Variants in FGF14 observed in about 807,000 individuals in gnomAD.
The protein encoded by FGF14 is fibroblast growth factor 14, also known as fibroblast growth factor homologous factor 4.
A neutral mutation model predicts 25.5 loss-of-function variants in FGF14; 5 were observed. The ratio of observed to expected loss-of-function variants is 0.20; its 90% CI spans 0.10 to 0.41. FGF14 has a LOEUF of 0.41. Among genes scored for constraint, FGF14 ranks in the 10% least tolerant of loss-of-function variants. The pLI, the probability that FGF14 is intolerant of heterozygous loss-of-function variation, is 1.00. For missense variants in FGF14, 222 were observed against 320.1 expected, an observed-to-expected ratio of 0.69 and a Z score of 2.34; for synonymous variants, 138 against 118.3, an observed-to-expected ratio of 1.17 and a Z score of -1.08.
At chr13:101,846,041 G>A (rs912181160) in intron 3 of FGF14, among the ~76,000 whole-genome samples, 1 of 151,926 alleles carries the variant, frequency 6.6e-6, no homozygotes, top group Non-Finnish European at 1.5e-5. Flanking sequence ...TAGAAATTGA[G>A]TCTAACGTAT....
intron 3 of FGF14, among the ~76,000 whole-genome samples, chr13:101,796,816 G>A (rs916466592): frequency 5.3e-5 from 8 of 152,090 alleles, no homozygotes; most frequent in Non-Finnish European, 1.2e-4. Flanking sequence ...CCCCCCGGTT[G>A]GTAGTACATT....
At chr13:102,186,623 A>G (rs2048885791) in intron 1 of FGF14, among the ~76,000 whole-genome samples, 1 of 152,142 alleles carries the variant, frequency 6.6e-6, no homozygotes, top group South Asian at 2.1e-4. Context: ...TGACATGTCT[A>G]TACATATAAT....
intron 1 of FGF14, among the ~76,000 whole-genome samples, chr13:102,327,976 C>A (rs1178956368): frequency 2.8e-5 from 4 of 142,278 alleles, no homozygotes; most frequent in Admixed American, 2.8e-4. Flanking sequence ...CTGGAAGGAT[C>A]AAAAAAAAAA....
chr13:102,068,640 T>C (rs1157705083), intron 1 of FGF14, among the ~76,000 whole-genome samples: 2 of 152,212 alleles, frequency 1.3e-5, no homozygotes, highest in Non-Finnish European at 2.9e-5. Flanking sequence ...GAGGGTGTAC[T>C]GGGTCCCCCA....
At chr13:101,805,211 A>G (rs2041128491) in intron 3 of FGF14, among the ~76,000 whole-genome samples, 1 of 152,158 alleles carries the variant, frequency 6.6e-6, no homozygotes, top group Admixed American at 6.6e-5. Flanking sequence ...TACAGTAAGT[A>G]AAAACAGCTC....
intron 1 of FGF14, among the ~76,000 whole-genome samples, chr13:102,043,056 A>C (rs994691204): frequency 2.0e-5 from 3 of 152,260 alleles, no homozygotes; most frequent in Admixed American, 6.5e-5. Context: ...TGACAGGGTC[A>C]GGACCATATT....
chr13:102,036,698 G>T (rs2041493043), intron 1 of FGF14, among the ~76,000 whole-genome samples: 1 of 151,876 alleles, frequency 6.6e-6, no homozygotes, highest in Non-Finnish European at 1.5e-5. Context: ...GGAGGATGAG[G>T]AGGAGGACGA....
chr13:102,049,082 T>C (rs1370747717), intron 1 of FGF14, among the ~76,000 whole-genome samples: 5 of 151,766 alleles, frequency 3.3e-5, no homozygotes, highest in Admixed American at 6.6e-5. Context: ...AAAAAATCAA[T>C]AGTCAAAGAA....
At chr13:102,378,645 A>ATATC (rs2058103042) in intron 1 of FGF14, among the ~76,000 whole-genome samples, 1 of 150,458 alleles carries the variant, frequency 6.6e-6, no homozygotes, top group Middle Eastern at 3.5e-3. Flanking sequence ...ATATATATAT[A>ATATC]TCTTCTCTTT....
intron 1 of FGF14, among the ~76,000 whole-genome samples, chr13:102,191,615 T>C (rs1226946147): frequency 6.6e-6 from 1 of 152,182 alleles, no homozygotes; most frequent in East Asian, 1.9e-4. Flanking sequence ...GGCACACATA[T>C]ATTCAGTTCA....
At position 101,829,901 on chromosome 13, in the gene FGF14, C is replaced by T. The variant is rs185589576; in HGVS notation, c.408+38824G>A. On this transcript the variant is annotated intron_variant, in intron 3 of 4. Coordinates refer to ENST00000376143, the MANE Select transcript of FGF14 (RefSeq NM_004115.4). ...TTTTTCAGGTTCTGAAAATGAGGCT[C>T]ACAATTTTTAAGTGATGTTTCTGGG... 1.0e-3 allele frequency among the ~76,000 whole-genome samples: 156 copies of T among 152,146 alleles called. 1 individual carries two copies. The highest frequency in any genetic ancestry group is 1.9e-3 in the Non-Finnish European group (128 of 67,996).
At chr13:102,369,371 G>A (rs1172693712) in intron 1 of FGF14, among the ~76,000 whole-genome samples, 3 of 152,200 alleles carry the variant, frequency 2.0e-5, no homozygotes, top group Non-Finnish European at 2.9e-5. Flanking sequence ...CTCTGTGGTA[G>A]CCAAAGATAT....
intron 1 of FGF14, among the ~76,000 whole-genome samples, chr13:102,135,081 A>G (rs2046356612): frequency 2.0e-5 from 3 of 151,606 alleles, no homozygotes; most frequent in African/African-American, 7.3e-5. Context: ...GGTGGTGTGC[A>G]CCAATAATAC....
Position 101,718,346 on chromosome 13 carries a change from A to C in FGF14, c.*4485T>G, listed in dbSNP as rs1042452526. On this transcript the variant is annotated 3_prime_UTR_variant, in exon 5 of 5. Transcript: ENST00000376143. Reference sequence around the variant, plus strand: ...TAAAATAGTTACATGTAAAGACATAAACTCTTTCCTTCTTAAATGTGATTT... The same window carrying C: ...TAAAATAGTTACATGTAAAGACATACACTCTTTCCTTCTTAAATGTGATTT... 6.6e-6 allele frequency: 1 copy of C among 152,106 alleles called. No individual in the cohort carries two copies. The highest frequency in any genetic ancestry group is 2.4e-5 in the African/African-American group (1 of 41,426). The allele number at this position is 152,106 out of a possible 1,614,324, so 9.4% of individuals were successfully genotyped here.
intron 1 of FGF14, among the ~76,000 whole-genome samples, chr13:102,275,622 T>C (rs918191448): frequency 2.6e-5 from 4 of 152,174 alleles, no homozygotes; most frequent in South Asian, 2.1e-4. Context: ...ACATTAGATA[T>C]AGAATCGGGA....
At chr13:101,855,241 C>T (rs549796009) in intron 3 of FGF14, among the ~76,000 whole-genome samples, 2 of 152,078 alleles carry the variant, frequency 1.3e-5, no homozygotes, top group East Asian at 3.9e-4. Context: ...CCTACTTTTG[C>T]ACAACCTGGG....
chr13:101,868,699 G>T (rs768508227), intron 3 of FGF14, 26 bp downstream of exon 3: 2 of 1,355,466 alleles, frequency 1.5e-6, no homozygotes, highest in Non-Finnish European at 2.1e-6. Context: ...TGAACGAATG[G>T]CCGAGATCTT....
intron 1 of FGF14, among the ~76,000 whole-genome samples, chr13:101,915,582 G>A (rs984399911): frequency 1.3e-5 from 2 of 151,556 alleles, no homozygotes; most frequent in African/African-American, 2.4e-5. Flanking sequence ...CCTGGCTCCT[G>A]AATAGGATGC....
intron 1 of FGF14, among the ~76,000 whole-genome samples, chr13:101,911,163 T>C (rs577804192): frequency 4.7e-4 from 72 of 152,158 alleles, no homozygotes; most frequent in African/African-American, 1.7e-3. Flanking sequence ...TCTTGTTGGG[T>C]TTGAAAATAC....
Sources: gnomAD v4.1 joint callset for allele counts (sites outside exome capture counted in the v4.1 genomes callset) on GRCh38, gnomAD v4.1.1 for gene constraint, MANE v1.5 for transcripts, NCBI Gene and HGNC (gene_info 2026-07-23, HGNC 2026-07-21) for gene names.